Variants in CDKAL1 observed in about 807,000 individuals in gnomAD.
The protein encoded by CDKAL1 is CDKAL1 threonylcarbamoyladenosine tRNA methylthiotransferase.
A neutral mutation model predicts 68.2 loss-of-function variants in CDKAL1; 32 were observed. That is an observed-to-expected ratio of 0.47 (90% CI 0.35 to 0.63). The LOEUF (loss-of-function observed/expected upper bound fraction) is 0.63, where lower values mean the gene tolerates loss of function less well. Ranked by LOEUF, CDKAL1 falls within the 30% of genes least tolerant of loss-of-function variation. The pLI, the probability that CDKAL1 is intolerant of heterozygous loss-of-function variation, is 0.00. For synonymous variants in CDKAL1, 234 were observed against 244.3 expected, an observed-to-expected ratio of 0.96 and a Z score of 0.39; for missense variants, 606 against 696.7, an observed-to-expected ratio of 0.87 and a Z score of 1.47.
chr6:20,850,067 T>C (rs994300506), intron 9 of CDKAL1, among the ~76,000 whole-genome samples: 2 of 152,232 alleles, frequency 1.3e-5, no homozygotes, highest in African/African-American at 4.8e-5. Flanking sequence ...AGTTATTTAA[T>C]AATTCAGGTG....
chr6:20,954,055 GA>G (rs1360291137), intron 9 of CDKAL1, among the ~76,000 whole-genome samples: 3 of 152,088 alleles, frequency 2.0e-5, no homozygotes, highest in Non-Finnish European at 4.4e-5. Flanking sequence ...TGTGGGTGAG[GA>G]TGTGTATGTC....
Position 21,186,621 on chromosome 6 carries a change from G to T in CDKAL1, c.1300-11400G>T, listed in dbSNP as rs796621014. 2.9e-4 allele frequency among the ~76,000 whole-genome samples: 44 copies of T among 152,168 alleles called. 1 individual carries two copies. Among genetic ancestry groups the T allele is most frequent in the African/African-American group, 1.1e-3 (44 of 41,514 alleles). On this transcript the variant is annotated intron_variant, in intron 13 of 15. Coordinates refer to ENST00000274695, the MANE Select transcript of CDKAL1 (RefSeq NM_017774.3). ...TGGTCAACCAGAAAAATGGAAGCAA[G>T]AATAATTTAATGGTCAAAAAGAGCA...
intron 9 of CDKAL1, among the ~76,000 whole-genome samples, chr6:20,903,852 G>C (rs1173592091): frequency 1.3e-5 from 2 of 152,206 alleles, no homozygotes; most frequent in Non-Finnish European, 2.9e-5. Flanking sequence ...CCAGGAATCT[G>C]TCTCCCCAAC....
chr6:20,899,384 G>T (rs921057584), intron 9 of CDKAL1, among the ~76,000 whole-genome samples: 1 of 151,920 alleles, frequency 6.6e-6, no homozygotes, highest in African/African-American at 2.4e-5. Flanking sequence ...TAGCCACCAC[G>T]CCACAGTACG....
intron 12 of CDKAL1, among the ~76,000 whole-genome samples, chr6:21,078,497 T>A (rs1772200186): frequency 6.6e-6 from 1 of 152,192 alleles, no homozygotes; most frequent in Admixed American, 6.5e-5. Context: ...TTAGAACTGT[T>A]ATTATTGTCA....
intron 13 of CDKAL1, among the ~76,000 whole-genome samples, chr6:21,175,001 G>A (rs1420004458): frequency 6.6e-6 from 1 of 152,176 alleles, no homozygotes; most frequent in Non-Finnish European, 1.5e-5. Context: ...TTTCTCCTGA[G>A]AGCAATGGGG....
At chr6:21,128,855 G>A (rs538292646) in intron 13 of CDKAL1, among the ~76,000 whole-genome samples, 2 of 152,250 alleles carry the variant, frequency 1.3e-5, no homozygotes, top group Non-Finnish European at 2.9e-5. Context: ...TCTGTTAAGG[G>A]GTGTTGAACA....
At position 21,177,732 on chromosome 6, in the gene CDKAL1, T is replaced by C. The variant is rs1777642323; in HGVS notation, c.1300-20289T>C. Among the ~76,000 whole-genome samples the C allele has an allele frequency of 3.9e-5, 6 of 151,926 alleles. No homozygotes were observed. The South Asian group carries it at 1.2e-3, about 32-fold the overall frequency. On this transcript the variant is annotated intron_variant, in intron 13 of 15. Transcript: ENST00000274695. ...AATGGCTAATGGATCTATCCAAACA[T>C]TGGTTTTATAAGGAAATTGAAGAAT... is the stretch of plus-strand genomic sequence containing the variant.
intron 6 of CDKAL1, chr6:20,756,117 G>A (rs1283482684): frequency 6.6e-6 from 1 of 152,096 alleles, no homozygotes; most frequent in Admixed American, 6.6e-5. Context: ...TTTAGATTTT[G>A]CTCGGTCTAC....
intron 11 of CDKAL1, among the ~76,000 whole-genome samples, chr6:21,030,524 A>G (rs75351148): frequency 0.033 from 5,089 of 152,238 alleles, 127 homozygotes; most frequent in Middle Eastern, 0.065. Context: ...GTTCATGGAA[A>G]AGCACTGTTT....
intron 2 of CDKAL1, among the ~76,000 whole-genome samples, chr6:20,544,719 T>A (rs1763527504): frequency 6.6e-6 from 1 of 152,162 alleles, no homozygotes; most frequent in African/African-American, 2.4e-5. Context: ...TAGTCTTATC[T>A]ATACCTACAA....
chr6:20,785,320 T>C (rs979495304), intron 8 of CDKAL1, among the ~76,000 whole-genome samples: 4 of 148,458 alleles, frequency 2.7e-5, no homozygotes, highest in Admixed American at 2.0e-4. Flanking sequence ...TTTTCTTTTT[T>C]TTTTTTTTTT....
At chr6:21,095,063 G>A (rs916426827) in intron 12 of CDKAL1, among the ~76,000 whole-genome samples, 1 of 152,290 alleles carries the variant, frequency 6.6e-6, no homozygotes, top group South Asian at 2.1e-4. Flanking sequence ...TACGCAATAA[G>A]TGGATGGTTA....
intron 4 of CDKAL1, among the ~76,000 whole-genome samples, chr6:20,611,894 C>T (rs1766633829): frequency 1.3e-5 from 2 of 152,118 alleles, no homozygotes; most frequent in Non-Finnish European, 2.9e-5. Flanking sequence ...TCTCGTTATC[C>T]CTCCTAGTCC....
At chr6:21,147,005 A>G (rs1454154181) in intron 13 of CDKAL1, among the ~76,000 whole-genome samples, 3 of 152,150 alleles carry the variant, frequency 2.0e-5, no homozygotes, top group Non-Finnish European at 4.4e-5. Context: ...GCACGTGTCC[A>G]TGGTCCATCA....
chr6:20,674,252 T>G (rs1769985096), intron 5 of CDKAL1, among the ~76,000 whole-genome samples: 1 of 152,204 alleles, frequency 6.6e-6, no homozygotes, highest in African/African-American at 2.4e-5. Flanking sequence ...GTTTCTTTTG[T>G]CCAGTTTGTC....
At chr6:20,989,057 A>G (rs1348613016) in intron 10 of CDKAL1, among the ~76,000 whole-genome samples, 2 of 152,052 alleles carry the variant, frequency 1.3e-5, no homozygotes. Flanking sequence ...TCCTGCCTAT[A>G]GGCAGGGGTT....
intron 9 of CDKAL1, among the ~76,000 whole-genome samples, chr6:20,918,017 A>G (rs1762793349): frequency 6.6e-6 from 1 of 152,222 alleles, no homozygotes; most frequent in African/African-American, 2.4e-5. Flanking sequence ...TGGTTGAGGC[A>G]TAAGAATTGT....
intron 8 of CDKAL1, among the ~76,000 whole-genome samples, chr6:20,786,335 G>A (rs904938555): frequency 6.6e-6 from 1 of 152,150 alleles, no homozygotes; most frequent in African/African-American, 2.4e-5. Flanking sequence ...AGGATACGGT[G>A]TGTGTGGATA....
Sources: gnomAD v4.1 joint callset for allele counts (sites outside exome capture counted in the v4.1 genomes callset) on GRCh38, gnomAD v4.1.1 for gene constraint, MANE v1.5 for transcripts, NCBI Gene and HGNC (gene_info 2026-07-23, HGNC 2026-07-21) for gene names.